NR3C2: variants seen among roughly 807,000 people sequenced by gnomAD.
NR3C2 encodes the protein mineralocorticoid receptor.
NR3C2 carries 15 observed loss-of-function variants against 86.4 expected under a neutral mutation model. The observed-to-expected ratio is 0.17, with a 90% CI of 0.12 to 0.27. The LOEUF (loss-of-function observed/expected upper bound fraction) is 0.27. Among genes scored for constraint, NR3C2 ranks in the 10% least tolerant of loss-of-function variants. The pLI is 1.00. For synonymous variants in NR3C2, 458 were observed against 450.5 expected, an observed-to-expected ratio of 1.02 and a Z score of -0.21; for missense variants, 960 against 1,195.6, an observed-to-expected ratio of 0.80 and a Z score of 2.91.
chr4:148,141,444 T>A (rs113601997), intron 6 of NR3C2, among the ~76,000 whole-genome samples: 64 of 150,090 alleles, frequency 4.3e-4, no homozygotes, highest in African/African-American at 1.3e-3. Flanking sequence ...TCTCCCTCTC[T>A]CTCACACACA....
At chr4:148,425,094 CAGT>C (rs1366616995) in intron 2 of NR3C2, among the ~76,000 whole-genome samples, 2 of 152,076 alleles carry the variant, frequency 1.3e-5, no homozygotes, top group South Asian at 2.1e-4. Context: ...TTGCTGAACT[CAGT>C]AGAACTCTGT....
intron 2 of NR3C2, among the ~76,000 whole-genome samples, chr4:148,304,064 C>A (rs956306693): frequency 1.5e-4 from 23 of 152,152 alleles, no homozygotes; most frequent in Non-Finnish European, 2.9e-4. Flanking sequence ...GATGCCTGTT[C>A]CCCTCTTTCT....
At chr4:148,213,854 T>G (rs1450795097) in intron 3 of NR3C2, among the ~76,000 whole-genome samples, 1 of 152,246 alleles carries the variant, frequency 6.6e-6, no homozygotes, top group Non-Finnish European at 1.5e-5. Flanking sequence ...CTTTACAACT[T>G]ACATAGTCCC....
At chr4:148,406,672 G>A (rs889693596) in intron 2 of NR3C2, among the ~76,000 whole-genome samples, 6 of 152,100 alleles carry the variant, frequency 3.9e-5, no homozygotes, top group Non-Finnish European at 5.9e-5. Context: ...GAAATAGGAG[G>A]CCGGTAAAAG....
At chr4:148,363,139 C>T (rs1745924395) in intron 2 of NR3C2, among the ~76,000 whole-genome samples, 1 of 152,122 alleles carries the variant, frequency 6.6e-6, no homozygotes, top group African/African-American at 2.4e-5. Flanking sequence ...TGAGTAAGGA[C>T]AATACGTGAA....
At chr4:148,201,558 T>A (rs573849678) in intron 3 of NR3C2, among the ~76,000 whole-genome samples, 1 of 152,182 alleles carries the variant, frequency 6.6e-6, no homozygotes. Context: ...TACAGACATA[T>A]AGGTTGGTCC....
At chr4:148,304,979 T>C (rs768047408) in intron 2 of NR3C2, among the ~76,000 whole-genome samples, 4 of 151,232 alleles carry the variant, frequency 2.6e-5, no homozygotes, top group African/African-American at 7.3e-5. Context: ...TAATTTTTCC[T>C]GGTCATGACA....
chr4:148,334,680 T>C (rs1744395467), intron 2 of NR3C2, among the ~76,000 whole-genome samples: 1 of 152,250 alleles, frequency 6.6e-6, no homozygotes, highest in Admixed American at 6.5e-5. Flanking sequence ...AAAGTGTCTG[T>C]AGCTATCAAA....
intron 2 of NR3C2, among the ~76,000 whole-genome samples, chr4:148,296,696 A>C (rs1742073108): frequency 6.6e-6 from 1 of 152,212 alleles, no homozygotes; most frequent in South Asian, 2.1e-4. Context: ...TATGCATAGC[A>C]ACAAATGACC....
rs1746122382 is a variant in NR3C2 at position 148,366,441 on chromosome 4, T to TACTTTTTA, written c.1757+68662_1757+68663insTAAAAAGT. Among the ~76,000 whole-genome samples the TACTTTTTA allele has an allele frequency of 1.2e-3, 75 of 63,874 alleles. 1 individual carries two copies. The highest frequency in any genetic ancestry group is 1.7e-3 in the Non-Finnish European group (53 of 30,610). The allele number at this position is 63,874 out of a possible 152,430, so 41.9% of individuals were successfully genotyped here. ...CACTCCTTGAAAAAGAATACTTTTT[T>TACTTTTTA]AAAAGTACTTTTAAAAAAGAATACT... On this transcript the variant is annotated intron_variant, in intron 2 of 8. Transcript: ENST00000358102.
intron 3 of NR3C2, among the ~76,000 whole-genome samples, chr4:148,236,083 TCTGACG>T (rs1738737565): frequency 6.6e-6 from 1 of 152,186 alleles, no homozygotes; most frequent in South Asian, 2.1e-4. Flanking sequence ...CCACTACCCA[TCTGACG>T]TCCCCTTGGG....
intron 2 of NR3C2, among the ~76,000 whole-genome samples, chr4:148,366,454 A>T (rs200682444): frequency 0.039 from 4,346 of 110,272 alleles, 3 homozygotes; most frequent in Non-Finnish European, 0.051. Flanking sequence ...AAGTACTTTT[A>T]AAAAAGAATA....
chr4:148,352,597 G>C (rs1469380050), intron 2 of NR3C2, among the ~76,000 whole-genome samples: 2 of 152,136 alleles, frequency 1.3e-5, no homozygotes, highest in African/African-American at 2.4e-5. Flanking sequence ...GAAAAGATGA[G>C]ACATCATGTA....
intron 2 of NR3C2, among the ~76,000 whole-genome samples, chr4:148,370,239 C>CA (rs1379992854): frequency 1.3e-5 from 2 of 152,132 alleles, no homozygotes; most frequent in Non-Finnish European, 2.9e-5. Context: ...CTGACCTGGT[C>CA]AAACATGCCA....
At chr4:148,132,180 A>G (rs1198433753) in intron 6 of NR3C2, among the ~76,000 whole-genome samples, 2 of 152,232 alleles carry the variant, frequency 1.3e-5, no homozygotes, top group Non-Finnish European at 2.9e-5. Context: ...GAACAAAGTT[A>G]AAATTGGGGG....
intron 2 of NR3C2, among the ~76,000 whole-genome samples, chr4:148,337,573 G>A (rs1744556873): frequency 6.6e-6 from 1 of 152,152 alleles, no homozygotes; most frequent in Admixed American, 6.5e-5. Flanking sequence ...TCAAGATTTG[G>A]TGCTAAGTTT....
chr4:148,258,621 T>C (rs145314770), intron 3 of NR3C2, among the ~76,000 whole-genome samples: 1 of 152,328 alleles, frequency 6.6e-6, no homozygotes, highest in East Asian at 1.9e-4. Context: ...GGAGCTTTTA[T>C]AGGAATTGCT....
chr4:148,264,034 A>G (rs917277477), intron 2 of NR3C2, among the ~76,000 whole-genome samples: 1 of 152,224 alleles, frequency 6.6e-6, no homozygotes, highest in African/African-American at 2.4e-5. Context: ...ATCTCATTAC[A>G]GTAGAACATA....
At chr4:148,444,297 T>G (rs1428705809), upstream of NR3C2, 1 of 985,308 alleles carries the variant, frequency 1.0e-6, no homozygotes, top group Non-Finnish European at 1.2e-6. Context: ...TCTTGCAAAA[T>G]CTAGGTTAGA....
Sources: allele counts gnomAD v4.1 joint callset (sites outside exome capture counted in the v4.1 genomes callset), GRCh38; gene constraint gnomAD v4.1.1; transcripts MANE v1.5; gene names NCBI Gene and HGNC (gene_info 2026-07-23, HGNC 2026-07-21).